WDHD1: variants seen among roughly 807,000 people sequenced by gnomAD.
WDHD1 encodes the protein WD repeat and HMG-box DNA-binding protein 1.
A neutral mutation model predicts 135.4 loss-of-function variants in WDHD1; 111 were observed. The observed-to-expected ratio is 0.82, with a 90% CI of 0.70 to 0.96. The LOEUF is 0.96. Among genes scored for constraint, WDHD1 ranks in the 40% least tolerant of loss-of-function variants. The pLI is 0.00. For synonymous variants in WDHD1, 434 were observed against 439.0 expected (o/e 0.99, Z 0.14); for missense variants, 1,351 against 1,336.3 (o/e 1.01, Z -0.17).
At chr14:54,963,776 G>A (rs1458515119) in intron 18 of WDHD1, among the ~76,000 whole-genome samples, 1 of 149,700 alleles carries the variant, frequency 6.7e-6, no homozygotes, top group Non-Finnish European at 1.5e-5. Flanking sequence ...CTCCAGCCTG[G>A]GCGAGAAAGC....
chr14:54,980,327 A>T (rs2041596939), intron 16 of WDHD1, among the ~76,000 whole-genome samples: 1 of 151,944 alleles, frequency 6.6e-6, no homozygotes, highest in Non-Finnish European at 1.5e-5. Context: ...CTGTCTCAAA[A>T]AAAAAAAAGA....
intron 16 of WDHD1, among the ~76,000 whole-genome samples, chr14:54,968,638 AG>A (rs2041382883): frequency 6.6e-6 from 1 of 152,176 alleles, no homozygotes. Flanking sequence ...AGAAAAGAAG[AG>A]GGAAGCTCCA....
At chr14:54,996,055 G>A (rs774746054) in intron 10 of WDHD1, among the ~76,000 whole-genome samples, 15 of 152,114 alleles carry the variant, frequency 9.9e-5, no homozygotes, top group Non-Finnish European at 1.8e-4. Context: ...GGACTGACAT[G>A]TAAACAAATA....
intron 16 of WDHD1, among the ~76,000 whole-genome samples, chr14:54,978,442 A>G (rs778813357): frequency 1.1e-4 from 16 of 152,038 alleles, no homozygotes; most frequent in Non-Finnish European, 2.1e-4. Flanking sequence ...AAAATTAGCC[A>G]GGTGTGGTAG....
intron 13 of WDHD1, among the ~76,000 whole-genome samples, chr14:54,987,744 A>T (rs2041716854): frequency 6.6e-6 from 1 of 152,070 alleles, no homozygotes; most frequent in Admixed American, 6.6e-5. Context: ...CTCTTGCCTC[A>T]GCCTCCCGAG....
chr14:54,986,220 TA>T (rs1312274841), intron 14 of WDHD1, among the ~76,000 whole-genome samples: 12 of 152,284 alleles, frequency 7.9e-5, no homozygotes, highest in South Asian at 2.1e-4. Flanking sequence ...AAAAATGAAA[TA>T]AAAAAATTTA....
At position 54,948,076 on chromosome 14, in the gene WDHD1, C is replaced by T. The variant is rs117201589; in HGVS notation, c.3051-3606G>A. Among the ~76,000 whole-genome samples, 702 of 151,870 alleles carry T rather than the reference C, an allele frequency of 4.6e-3. 8 individuals carry two copies. The highest frequency in any genetic ancestry group is 6.9e-3 in the Non-Finnish European group (471 of 67,922). Reference sequence around the variant, plus strand: ...ACTAAAGATACAAAATTAAGCGGTTCCAAGATGGTCGAATAGGAAGAGCTT... The same window carrying T: ...ACTAAAGATACAAAATTAAGCGGTTTCAAGATGGTCGAATAGGAAGAGCTT... On this transcript the variant is annotated intron_variant, in intron 24 of 25. Coordinates refer to ENST00000360586, the MANE Select transcript of WDHD1 (RefSeq NM_007086.4).
intron 2 of WDHD1, among the ~76,000 whole-genome samples, chr14:55,022,636 C>G (rs1053889521): frequency 1.3e-5 from 2 of 151,622 alleles, no homozygotes; most frequent in African/African-American, 4.9e-5. Context: ...GAGCTAAGAT[C>G]GCGCCACTGC....
chr14:54,986,754 G>A (rs2041700852), intron 14 of WDHD1, among the ~76,000 whole-genome samples: 1 of 152,090 alleles, frequency 6.6e-6, no homozygotes, highest in South Asian at 2.1e-4. Flanking sequence ...ATAGTGACGG[G>A]GACTGAAGAA....
intron 12 of WDHD1, among the ~76,000 whole-genome samples, chr14:54,989,640 T>C (rs980441379): frequency 1.1e-4 from 17 of 151,948 alleles, no homozygotes; most frequent in African/African-American, 4.1e-4. Flanking sequence ...ATAAAATAAA[T>C]ACATACATTT....
At chr14:54,965,458 C>T (rs1250333527) in intron 18 of WDHD1, among the ~76,000 whole-genome samples, 3 of 152,068 alleles carry the variant, frequency 2.0e-5, no homozygotes, top group Non-Finnish European at 4.4e-5. Context: ...TCTAACAGCC[C>T]GATCAAAGTT....
At position 55,016,213 on chromosome 14, in the gene WDHD1, A is replaced by T. The variant is rs1251627300; in HGVS notation, c.78-2617T>A. Reference sequence around the variant, plus strand: ...TTGTCCTTTATTGTATCAAATAACTAACTACATATTAATTTTATTGATTGC... The same window carrying T: ...TTGTCCTTTATTGTATCAAATAACTTACTACATATTAATTTTATTGATTGC... On this transcript the variant is annotated intron_variant, in intron 2 of 25. Coordinates refer to ENST00000360586, the MANE Select transcript of WDHD1 (RefSeq NM_007086.4). Among the ~76,000 whole-genome samples the T allele has an allele frequency of 2.6e-5, 4 of 152,332 alleles. No individual in the cohort carries two copies. In the East Asian group the frequency reaches 7.7e-4, roughly 29 times the overall value.
chr14:54,967,657 G>A (rs1329526533), intron 16 of WDHD1, among the ~76,000 whole-genome samples: 2 of 152,082 alleles, frequency 1.3e-5, no homozygotes, highest in Non-Finnish European at 2.9e-5. Context: ...GTCTCACTGT[G>A]TTGCCCAGGC....
chr14:54,978,444 G>A (rs1211932114), intron 16 of WDHD1, among the ~76,000 whole-genome samples: 1 of 152,148 alleles, frequency 6.6e-6, no homozygotes, highest in South Asian at 2.1e-4. Context: ...AATTAGCCAG[G>A]TGTGGTAGCC....
intron 7 of WDHD1, among the ~76,000 whole-genome samples, chr14:55,003,402 T>TC (rs1470368374): frequency 6.6e-6 from 1 of 151,648 alleles, no homozygotes; most frequent in Admixed American, 6.6e-5. Flanking sequence ...TCCCAGCTAC[T>TC]CGGGTTGGGG....
intron 25 of WDHD1, among the ~76,000 whole-genome samples, chr14:54,942,017 G>A (rs922630646): frequency 3.9e-5 from 6 of 152,044 alleles, no homozygotes; most frequent in African/African-American, 1.2e-4. Context: ...TTGGGAGGCC[G>A]AGGTGGGTGG....
At position 54,979,759 on chromosome 14, in the gene WDHD1, T is replaced by C. The variant is rs544488670; in HGVS notation, c.2063+1781A>G. Among the ~76,000 whole-genome samples the C allele has an allele frequency of 4.7e-4, 71 of 152,346 alleles. 1 individual carries two copies. Among genetic ancestry groups the C allele is most frequent in the Admixed American group, 7.2e-4 (11 of 15,304 alleles). ...AATGAATACAGAGAAAAGTCTCCTATACTATCCACTGAGTTTCTCTCCGTG... is the reference window on the plus strand; with the variant it reads ...AATGAATACAGAGAAAAGTCTCCTACACTATCCACTGAGTTTCTCTCCGTG... On this transcript the variant is annotated intron_variant, in intron 16 of 25. Coordinates refer to ENST00000360586, the MANE Select transcript of WDHD1 (RefSeq NM_007086.4).
At chr14:55,007,177 G>A (rs1439926100) in intron 7 of WDHD1, 103 bp downstream of exon 7, 11 of 911,538 alleles carry the variant, frequency 1.2e-5, no homozygotes, top group Middle Eastern at 3.6e-4. Flanking sequence ...GCAGTGAGCC[G>A]AGATTGCACC....
intron 2 of WDHD1, among the ~76,000 whole-genome samples, chr14:55,020,252 ATTATCT>A (rs1421072810): frequency 3.3e-5 from 5 of 152,152 alleles, no homozygotes; most frequent in Non-Finnish European, 5.9e-5. Context: ...CTCCCCTTCC[ATTATCT>A]TGAATCCACT....
Sources: allele counts gnomAD v4.1 joint callset (sites outside exome capture counted in the v4.1 genomes callset), GRCh38; gene constraint gnomAD v4.1.1; transcripts MANE v1.5; gene names NCBI Gene and HGNC (gene_info 2026-07-23, HGNC 2026-07-21).